Variants in SAMD12 observed in about 807,000 individuals in gnomAD.
SAMD12 encodes sterile alpha motif domain containing 12, also known as sterile alpha motif domain-containing protein 12.
In SAMD12, 9 loss-of-function variants were observed where a neutral mutation model predicts 15.0. The observed-to-expected ratio is 0.60, with a 90% CI of 0.36 to 1.05. The LOEUF (loss-of-function observed/expected upper bound fraction) is 1.05, where lower values mean the gene tolerates loss of function less well. Among genes scored for constraint, SAMD12 ranks in the 50% least tolerant of loss-of-function variants. The pLI is 0.01. For synonymous variants in SAMD12, 86 were observed against 90.1 expected (o/e 0.96, Z 0.25); for missense variants, 230 against 234.2 (o/e 0.98, Z 0.12).
chr8:118,403,463 G>C (rs1026214875), intron 3 of SAMD12, among the ~76,000 whole-genome samples: 1 of 151,842 alleles, frequency 6.6e-6, no homozygotes, highest in Admixed American at 6.6e-5. Context: ...TATTAGCTTG[G>C]TAAATTGGAA....
chr8:118,365,178 C>T (rs1324638351), intron 4 of SAMD12, among the ~76,000 whole-genome samples: 4 of 152,198 alleles, frequency 2.6e-5, no homozygotes, highest in Non-Finnish European at 5.9e-5. Flanking sequence ...TTCTGACCAA[C>T]TCCTAACCCT....
intron 4 of SAMD12, among the ~76,000 whole-genome samples, chr8:118,245,019 G>A (rs1812653624): frequency 6.6e-6 from 1 of 152,096 alleles, no homozygotes; most frequent in Admixed American, 6.6e-5. Flanking sequence ...GAGGCAGCAT[G>A]TGTGGAAGCC....
chr8:118,457,733 C>T (rs188606437), intron 2 of SAMD12, among the ~76,000 whole-genome samples: 2 of 152,254 alleles, frequency 1.3e-5, no homozygotes, highest in Admixed American at 1.3e-4. Context: ...TTGGCCTGGG[C>T]ATGAAGCTGG....
intron 4 of SAMD12, among the ~76,000 whole-genome samples, chr8:118,226,939 TG>T (rs1293785261): frequency 6.6e-6 from 1 of 152,124 alleles, no homozygotes; most frequent in African/African-American, 2.4e-5. Context: ...TAGCATCAGA[TG>T]GGGTGGACAC....
chr8:118,234,287 G>A (rs1812380306), intron 4 of SAMD12, among the ~76,000 whole-genome samples: 1 of 151,760 alleles, frequency 6.6e-6, no homozygotes. Flanking sequence ...CTTGAAGAAG[G>A]CATTGTCTAT....
intron 3 of SAMD12, among the ~76,000 whole-genome samples, chr8:118,431,524 T>A (rs562551025): frequency 6.6e-6 from 1 of 150,566 alleles, no homozygotes; most frequent in Admixed American, 6.6e-5. Flanking sequence ...AATTGGTCAT[T>A]TTTTTTTTGT....
the SAMD12 span, among the ~76,000 whole-genome samples, chr8:118,132,756 C>G: frequency 3.1e-4 from 47 of 151,992 alleles, no homozygotes; most frequent in South Asian, 9.4e-3. Flanking sequence ...CATCCATCTT[C>G]CACCATCCCA....
At chr8:118,408,270 G>A (rs1478059972) in intron 3 of SAMD12, among the ~76,000 whole-genome samples, 3 of 152,146 alleles carry the variant, frequency 2.0e-5, no homozygotes, top group Admixed American at 2.0e-4. Context: ...CACACCACTG[G>A]AGAGAAATTT....
intron 4 of SAMD12, among the ~76,000 whole-genome samples, chr8:118,302,916 C>A (rs920586134): frequency 2.6e-5 from 4 of 152,074 alleles, no homozygotes; most frequent in Admixed American, 2.6e-4. Context: ...TCTTTTCTCC[C>A]AGCATATATT....
In SAMD12 at chr8:118,197,550, C is replaced by G. The variant is rs1176566432; in HGVS notation, c.*160G>C. The G allele has an allele frequency of 1.5e-5, 11 of 734,018 alleles. No homozygotes were observed. In the East Asian group the frequency reaches 2.7e-4, roughly 18 times the overall value. The allele number at this position is 734,018 out of a possible 1,614,324, so 45.5% of individuals were successfully genotyped here. A position where few individuals can be genotyped will look rare whatever the true frequency, so the allele number is the denominator to read the frequency against. On this transcript the variant is annotated 3_prime_UTR_variant, in exon 5 of 5. Transcript: ENST00000409003. The stretch of plus-strand genomic sequence containing the variant: ...ACAGCAAAGCAAGATTTTTCCAAAA[C>G]CCATAATATTGACTGAATGGGTGCT...
chr8:118,619,534 T>C (rs1828338717), intron 1 of SAMD12, among the ~76,000 whole-genome samples: 1 of 151,724 alleles, frequency 6.6e-6, no homozygotes, highest in Non-Finnish European at 1.5e-5. Flanking sequence ...TCCCTTATTG[T>C]ATCACATTTA....
At chr8:118,584,266 T>A (rs1407154889) in intron 1 of SAMD12, among the ~76,000 whole-genome samples, 1 of 152,224 alleles carries the variant, frequency 6.6e-6, no homozygotes, top group Non-Finnish European at 1.5e-5. Context: ...TAGACTTTGC[T>A]TTGTTTTCCC....
At chr8:118,246,632 A>G (rs1812704442) in intron 4 of SAMD12, among the ~76,000 whole-genome samples, 1 of 152,158 alleles carries the variant, frequency 6.6e-6, no homozygotes, top group African/African-American at 2.4e-5. Context: ...AAAACATCAT[A>G]TCATTTCAAG....
At chr8:118,334,795 C>A (rs895390282) in intron 4 of SAMD12, among the ~76,000 whole-genome samples, 1 of 152,128 alleles carries the variant, frequency 6.6e-6, no homozygotes, top group Non-Finnish European at 1.5e-5. Context: ...TTGGGATTCA[C>A]CATGTTGCCC....
the SAMD12 span, among the ~76,000 whole-genome samples, chr8:118,132,971 T>C: frequency 2.5e-5 from 1 of 40,346 alleles, no homozygotes; most frequent in Non-Finnish European, 4.6e-5. Flanking sequence ...TGTGTGTGTG[T>C]GTATATATAT....
At chr8:118,297,248 T>G (rs1814761412) in intron 4 of SAMD12, among the ~76,000 whole-genome samples, 1 of 152,192 alleles carries the variant, frequency 6.6e-6, no homozygotes, top group Non-Finnish European at 1.5e-5. Flanking sequence ...ACAGTTGATT[T>G]CATGACTGGT....
chr8:118,509,454 G>A (rs1825013919), intron 2 of SAMD12, among the ~76,000 whole-genome samples: 2 of 152,110 alleles, frequency 1.3e-5, no homozygotes, highest in South Asian at 4.1e-4. Context: ...ACTTCCCCGA[G>A]AAACAGAAAT....
intron 4 of SAMD12, among the ~76,000 whole-genome samples, chr8:118,267,834 T>TAA (rs901490379): frequency 2.0e-4 from 30 of 152,226 alleles, no homozygotes; most frequent in Middle Eastern, 3.4e-3. Flanking sequence ...TTCACACCTG[T>TAA]AATCCCAGCA....
intron 2 of SAMD12, among the ~76,000 whole-genome samples, chr8:118,562,393 CTGTT>C (rs1350151989): frequency 1.3e-5 from 2 of 151,710 alleles, no homozygotes; most frequent in Non-Finnish European, 2.9e-5. Context: ...AGAAGTCACT[CTGTT>C]TGAGAAATAA....
Sources: allele counts gnomAD v4.1 joint callset (sites outside exome capture counted in the v4.1 genomes callset), GRCh38; gene constraint gnomAD v4.1.1; transcripts MANE v1.5; gene names NCBI Gene and HGNC (gene_info 2026-07-23, HGNC 2026-07-21).